Variants in ANO3 observed in about 807,000 individuals in gnomAD.
ANO3 encodes anoctamin 3.
Under a neutral mutation model 144.8 loss-of-function variants are expected in ANO3, and 99 were observed. The observed-to-expected ratio is 0.68, with a 90% confidence interval of 0.58 to 0.81. The LOEUF (loss-of-function observed/expected upper bound fraction) is 0.81. Ranked by LOEUF, ANO3 falls within the 30% of genes least tolerant of loss-of-function variation. ANO3 has a pLI of 0.00. For missense variants in ANO3, 905 were observed against 1,202.2 expected, an observed-to-expected ratio of 0.75 and a Z score of 3.66; for synonymous variants, 414 against 392.6, an observed-to-expected ratio of 1.05 and a Z score of -0.64.
At chr11:26,418,970 C>A (rs1025254781) in intron 1 of ANO3, among the ~76,000 whole-genome samples, 8 of 152,090 alleles carry the variant, frequency 5.3e-5, no homozygotes, top group African/African-American at 1.9e-4. Flanking sequence ...TCTATTCTCA[C>A]ACTGCTATAA....
intron 4 of ANO3, among the ~76,000 whole-genome samples, chr11:26,495,275 T>C (rs935101058): frequency 1.3e-5 from 2 of 149,240 alleles, no homozygotes; most frequent in African/African-American, 4.9e-5. Flanking sequence ...GCTGATTTTT[T>C]TTTTTTTTTT....
At chr11:26,218,293 G>C (rs1852073716) in intron 1 of ANO3, among the ~76,000 whole-genome samples, 1 of 152,022 alleles carries the variant, frequency 6.6e-6, no homozygotes, top group African/African-American at 2.4e-5. Flanking sequence ...GTGCTTAGTA[G>C]TATTAATAAG....
intron 1 of ANO3, among the ~76,000 whole-genome samples, chr11:26,248,314 G>A (rs1212035038): frequency 3.9e-5 from 6 of 151,908 alleles, no homozygotes; most frequent in African/African-American, 1.5e-4. Context: ...CTCCAGCCTG[G>A]GCAACAGAGT....
chr11:26,542,079 T>C lies in ANO3; in HGVS notation c.1154+11T>C, dbSNP rs752126400. On this transcript the variant is annotated intron_variant, in intron 11 of 26. Coordinates refer to ENST00000256737, the MANE Select transcript of ANO3 (RefSeq NM_031418.4). ...TCTGGATTTAATCAGGTACTGCAAA[T>C]GGAACAATAATGAAAAGCAAAGTAT... 3.1e-6 allele frequency: 5 copies of C among 1,605,130 alleles called. No individual in the cohort carries two copies. Among genetic ancestry groups the C allele is most frequent in the South Asian group, 1.1e-5 (1 of 89,370 alleles).
intron 3 of ANO3, among the ~76,000 whole-genome samples, chr11:26,449,664 TTC>T (rs371934171): frequency 1.3e-4 from 20 of 152,312 alleles, no homozygotes; most frequent in African/African-American, 4.6e-4. Flanking sequence ...CTAAATATTA[TTC>T]TCTTTTGTAT....
At chr11:26,441,274 C>T (rs1473403746) in intron 1 of ANO3, among the ~76,000 whole-genome samples, 4 of 151,138 alleles carry the variant, frequency 2.6e-5, no homozygotes, top group Non-Finnish European at 5.9e-5. Context: ...CCCGCCACTA[C>T]GCCCGGCTAA....
chr11:26,277,696 G>C (rs10834934), intron 1 of ANO3, among the ~76,000 whole-genome samples: 2 of 151,260 alleles, frequency 1.3e-5, no homozygotes, highest in African/African-American at 2.4e-5. Context: ...CTCTTTAGGA[G>C]ACTTGTCCAA....
intron 18 of ANO3, among the ~76,000 whole-genome samples, chr11:26,625,365 C>T (rs375086044): frequency 1.3e-5 from 2 of 152,146 alleles, no homozygotes; most frequent in African/African-American, 4.8e-5. Context: ...AGACTTAGCT[C>T]TTAATGTTCC....
chr11:26,568,785 T>C (rs1003519284), intron 14 of ANO3, among the ~76,000 whole-genome samples: 3 of 152,052 alleles, frequency 2.0e-5, no homozygotes, highest in Non-Finnish European at 4.4e-5. Context: ...TAATTCAGTT[T>C]AGTTTAAAAA....
intron 1 of ANO3, among the ~76,000 whole-genome samples, chr11:26,263,721 C>T (rs1853246588): frequency 1.3e-5 from 2 of 152,062 alleles, no homozygotes; most frequent in Admixed American, 1.3e-4. Context: ...AGTGAAAAGC[C>T]CATGTTTTCT....
Position 26,372,197 on chromosome 11 carries a change from G to A in ANO3, c.46+39876G>A, listed in dbSNP as rs116737327. Among the ~76,000 whole-genome samples, 821 of 152,212 alleles carry A rather than the reference G, an allele frequency of 5.4e-3. 5 individuals are homozygous for A. Among genetic ancestry groups the A allele is most frequent in the African/African-American group, 0.019 (796 of 41,542 alleles). ...ATAGTCAATTATCATGGGATCGGAT[G>A]GTTTTATAAGGAGCTTCCCCCTTTG... On this transcript the variant is annotated intron_variant, in intron 1 of 26. Coordinates refer to ENST00000256737, the MANE Select transcript of ANO3 (RefSeq NM_031418.4).
Position 26,301,220 on chromosome 11 carries a change from G to T in ANO3, c.155-8425G>T, listed in dbSNP as rs140525291. Among the ~76,000 whole-genome samples the T allele has an allele frequency of 9.8e-3, 1,490 of 152,128 alleles. 24 individuals are homozygous for T. The highest frequency in any genetic ancestry group is 0.034 in the African/African-American group (1,390 of 41,490). ...TATGGCAATCCCAGAATGACAGATT[G>T]TTACCACTGTCATTGGATTTCTAAT... On this transcript the variant is annotated intron_variant, in intron 1 of 27. Transcript: ENST00000672621.
chr11:26,282,503 C>CG, intron 1 of ANO3, among the ~76,000 whole-genome samples: 1 of 152,078 alleles, frequency 6.6e-6, no homozygotes, highest in East Asian at 1.9e-4. Context: ...CACTTCTTCT[C>CG]GGCTTTGGAA....
intron 1 of ANO3, among the ~76,000 whole-genome samples, chr11:26,208,512 C>CAAAAAAAAAAAA: frequency 8.2e-6 from 1 of 121,680 alleles, no homozygotes; most frequent in African/African-American, 3.4e-5. Context: ...GACTCCGTCT[C>CAAAAAAAAAAAA]AAAAAAAAAA....
intron 14 of ANO3, chr11:26,565,376 A>G (rs1036632278): frequency 1.2e-6 from 2 of 1,613,146 alleles, no homozygotes; most frequent in African/African-American, 1.3e-5. Flanking sequence ...AACTGTTATC[A>G]GGAGTTTTCA....
At chr11:26,350,912 C>G (rs543302992) in intron 1 of ANO3, among the ~76,000 whole-genome samples, 2 of 152,210 alleles carry the variant, frequency 1.3e-5, no homozygotes, top group South Asian at 4.1e-4. Context: ...TAGGTTTTCT[C>G]ATTAGCAATG....
At chr11:26,231,621 G>T (rs369198394) in intron 1 of ANO3, among the ~76,000 whole-genome samples, 2 of 152,122 alleles carry the variant, frequency 1.3e-5, no homozygotes, top group African/African-American at 2.4e-5. Flanking sequence ...AACCTCTGGG[G>T]TTTCGGATTC....
chr11:26,376,032 A>T (rs1856396756), intron 1 of ANO3, among the ~76,000 whole-genome samples: 1 of 152,178 alleles, frequency 6.6e-6, no homozygotes, highest in African/African-American at 2.4e-5. Flanking sequence ...GATGTTAAAA[A>T]TGGTAAAGGG....
intron 2 of ANO3, among the ~76,000 whole-genome samples, chr11:26,442,535 TA>T (rs1249033943): frequency 6.6e-6 from 1 of 152,188 alleles, no homozygotes; most frequent in African/African-American, 2.4e-5. Context: ...TTTGGTGGCA[TA>T]AAGATTTAGT....
Sources: gnomAD v4.1 joint callset for allele counts (sites outside exome capture counted in the v4.1 genomes callset) on GRCh38, gnomAD v4.1.1 for gene constraint, MANE v1.5 for transcripts, NCBI Gene and HGNC (gene_info 2026-07-23, HGNC 2026-07-21) for gene names.